NOX4: variants seen among roughly 807,000 people sequenced by gnomAD.
The protein encoded by NOX4 is kidney oxidase-1.
NOX4 carries 69 observed loss-of-function variants against 87.6 expected under a neutral mutation model. That is an observed-to-expected ratio of 0.79 (90% CI 0.65 to 0.96). The LOEUF (loss-of-function observed/expected upper bound fraction) is 0.96, where lower values mean the gene tolerates loss of function less well. Ranked by LOEUF, NOX4 falls within the 40% of genes least tolerant of loss-of-function variation. NOX4 has a pLI of 0.00. For missense variants in NOX4, 680 were observed against 681.5 expected (o/e 1.00, Z 0.02); for synonymous variants, 275 against 238.2 (o/e 1.15, Z -1.42).
chr11:89,326,204 T>C lies in NOX4; in HGVS notation c.*552A>G, dbSNP rs932235518. 6.6e-6 allele frequency: 1 copy of C among 152,046 alleles called. No individual in the cohort carries two copies. The highest frequency in any genetic ancestry group is 1.5e-5 in the Non-Finnish European group (1 of 67,992). The allele number at this position is 152,046 out of a possible 1,614,324, so 9.4% of individuals were successfully genotyped here. On this transcript the variant is annotated 3_prime_UTR_variant, in exon 18 of 18. Coordinates refer to ENST00000263317, the MANE Select transcript of NOX4 (RefSeq NM_016931.5). ...TATCAAATAGAGGTATTAGCATAAG[T>C]AGTGGAGACGATTAGATATTGACAC...
chr11:89,367,393 TG>T (rs1939089450), intron 12 of NOX4, among the ~76,000 whole-genome samples: 1 of 152,160 alleles, frequency 6.6e-6, no homozygotes, highest in Non-Finnish European at 1.5e-5. Context: ...TGCCTCTTTT[TG>T]TACACTAACT....
At chr11:89,442,836 A>C (rs2135361031) in intron 5 of NOX4, among the ~76,000 whole-genome samples, 1 of 152,308 alleles carries the variant, frequency 6.6e-6, no homozygotes, top group South Asian at 2.1e-4. Flanking sequence ...AAAACCATTA[A>C]AGTTATTAAA....
intron 12 of NOX4, among the ~76,000 whole-genome samples, chr11:89,371,987 C>T (rs1329805923): frequency 6.6e-6 from 1 of 151,644 alleles, no homozygotes; most frequent in Non-Finnish European, 1.5e-5. Flanking sequence ...TTATACATAC[C>T]AATATTATTT....
At chr11:89,510,185 C>G in the NOX4 span, among the ~76,000 whole-genome samples, 1 of 151,972 alleles carries the variant, frequency 6.6e-6, no homozygotes, top group African/African-American at 2.4e-5. Flanking sequence ...CAAGCGTAAC[C>G]TAGAAGGTAC....
the NOX4 span, among the ~76,000 whole-genome samples, chr11:89,561,750 T>A: frequency 6.6e-6 from 1 of 152,096 alleles, no homozygotes; most frequent in South Asian, 2.1e-4. Flanking sequence ...TTGAGGAGCT[T>A]CCTTTCTCGT....
At chr11:89,435,737 G>A (rs991498727) in intron 6 of NOX4, among the ~76,000 whole-genome samples, 1 of 152,042 alleles carries the variant, frequency 6.6e-6, no homozygotes, top group African/African-American at 2.4e-5. Context: ...GATGTATATG[G>A]TCTGGGATTA....
chr11:89,426,084 C>G (rs1309416691), intron 7 of NOX4, among the ~76,000 whole-genome samples: 13 of 152,098 alleles, frequency 8.5e-5, no homozygotes. Context: ...TGATTTTGCT[C>G]AAAATCTCTT....
intron 2 of NOX4, among the ~76,000 whole-genome samples, chr11:89,460,306 C>G (rs897093487): frequency 6.6e-6 from 1 of 152,114 alleles, no homozygotes; most frequent in Non-Finnish European, 1.5e-5. Context: ...CCACAATTGA[C>G]AAATGGGATC....
intron 11 of NOX4, among the ~76,000 whole-genome samples, chr11:89,390,764 G>A (rs190083500): frequency 1.5e-3 from 232 of 152,220 alleles, no homozygotes; most frequent in African/African-American, 5.3e-3. Context: ...CACAAATTGC[G>A]TCTATTTGTC....
chr11:89,392,517 T>C (rs115883655), intron 11 of NOX4, among the ~76,000 whole-genome samples: 160 of 152,292 alleles, frequency 1.1e-3, no homozygotes, highest in African/African-American at 3.6e-3. Flanking sequence ...CAATGTACTG[T>C]TCTTATTTCC....
chr11:89,377,012 C>T (rs1438680013), intron 11 of NOX4, among the ~76,000 whole-genome samples: 11 of 152,126 alleles, frequency 7.2e-5, no homozygotes, highest in Non-Finnish European at 1.6e-4. Context: ...GAGCTGAGAT[C>T]GCACCACTGC....
At chr11:89,405,479 T>C (rs1260438330) in intron 8 of NOX4, among the ~76,000 whole-genome samples, 1 of 151,992 alleles carries the variant, frequency 6.6e-6, no homozygotes. Flanking sequence ...TTCAAGACTA[T>C]AGTAATAAAA....
intron 7 of NOX4, among the ~76,000 whole-genome samples, chr11:89,427,235 C>G (rs990060681): frequency 1.3e-5 from 2 of 152,106 alleles, no homozygotes; most frequent in African/African-American, 4.8e-5. Flanking sequence ...TCACCATCAT[C>G]AAAGACCAAA....
upstream of NOX4, among the ~76,000 whole-genome samples, chr11:89,496,227 C>T (rs1946948368): frequency 6.6e-6 from 1 of 152,188 alleles, no homozygotes; most frequent in African/African-American, 2.4e-5. Flanking sequence ...CGTGCACCCA[C>T]ATGGCTGGGT....
chr11:89,445,979 A>G (rs77118916), intron 4 of NOX4, among the ~76,000 whole-genome samples: 5,316 of 152,206 alleles, frequency 0.035, 328 homozygotes, highest in African/African-American at 0.12. Flanking sequence ...ATAAAGGATT[A>G]TTATCAAAAT....
intron 12 of NOX4, 139 bp downstream of exon 12, chr11:89,373,293 A>AC (rs1939590047): frequency 2.0e-6 from 1 of 494,214 alleles, no homozygotes; most frequent in Non-Finnish European, 3.6e-6. Context: ...AAAAAAAAAA[A>AC]AAAAACAAAA....
chr11:89,521,739 C>A, the NOX4 span, among the ~76,000 whole-genome samples: 1 of 152,000 alleles, frequency 6.6e-6, no homozygotes, highest in African/African-American at 2.4e-5. Flanking sequence ...ATAGAGTAAA[C>A]AGACAACCTA....
chr11:89,398,801 A>G lies in NOX4; in HGVS notation c.1074+1216T>C, dbSNP rs143997948. Among the ~76,000 whole-genome samples the G allele has an allele frequency of 1.8e-3, 278 of 152,022 alleles. 2 individuals carry two copies. The East Asian group carries it at 0.02, about 11-fold the overall frequency. On this transcript the variant is annotated intron_variant, in intron 11 of 17. Transcript: ENST00000263317. ...AATAAAGTCCAAATATCCAACTTCA[A>G]TGAGAATATTAAATAAATTACAGTA... is the stretch of plus-strand genomic sequence containing the variant.
At chr11:89,508,382 A>G in the NOX4 span, among the ~76,000 whole-genome samples, 2 of 152,120 alleles carry the variant, frequency 1.3e-5, no homozygotes, top group Non-Finnish European at 2.9e-5. Flanking sequence ...AGAGCTTGCC[A>G]GTACACTTGA....
Sources: gnomAD v4.1 joint callset for allele counts (sites outside exome capture counted in the v4.1 genomes callset) on GRCh38, gnomAD v4.1.1 for gene constraint, MANE v1.5 for transcripts, NCBI Gene and HGNC (gene_info 2026-07-23, HGNC 2026-07-21) for gene names.